DLG2: variants seen among roughly 807,000 people sequenced by gnomAD.
The protein encoded by DLG2 is disks large homolog 2.
A neutral mutation model predicts 132.5 loss-of-function variants in DLG2; 45 were observed. That is an observed-to-expected ratio of 0.34 (90% CI 0.27 to 0.44). The LOEUF (loss-of-function observed/expected upper bound fraction) is 0.44. Among genes scored for constraint, DLG2 ranks in the 20% least tolerant of loss-of-function variants. DLG2 has a pLI of 1.00. For synonymous variants in DLG2, 424 were observed against 419.6 expected (o/e 1.01, Z -0.13); for missense variants, 1,045 against 1,196.9 (o/e 0.87, Z 1.87).
rs968813208 is a variant in DLG2 at position 83,458,416 on chromosome 11, G to A, written c.*1402C>T. On this transcript the variant is annotated 3_prime_UTR_variant, in exon 28 of 28. Coordinates refer to ENST00000376104, the MANE Select transcript of DLG2 (RefSeq NM_001142699.3). ...TTGGTTGAGCTCAAAGTCATTAATT[G>A]TCTTTCCTTGTGACTCTATCTCTTT... The A allele has an allele frequency of 6.6e-6, 1 of 152,502 alleles. No individual in the cohort carries two copies. The highest frequency in any genetic ancestry group is 1.5e-5 in the Non-Finnish European group (1 of 68,036). 9.4% of individuals were successfully genotyped at this position (152,502 alleles called of 1,614,324 possible).
intron 9 of DLG2, among the ~76,000 whole-genome samples, chr11:84,112,969 G>C (rs1282120016): frequency 6.6e-6 from 1 of 152,160 alleles, no homozygotes; most frequent in East Asian, 1.9e-4. Context: ...TTATAAACTA[G>C]TAGTACTCAA....
intron 18 of DLG2, chr11:83,692,926 T>G (rs1215018716): frequency 1.3e-5 from 2 of 152,162 alleles, no homozygotes; most frequent in African/African-American, 2.4e-5. Context: ...TCCCTTCTAC[T>G]AGCTTGATGC....
At chr11:83,833,440 T>C (rs2154002527) in intron 17 of DLG2, among the ~76,000 whole-genome samples, 174 bp downstream of exon 17, 1 of 152,200 alleles carries the variant, frequency 6.6e-6, no homozygotes, top group East Asian at 1.9e-4. Flanking sequence ...AGATTCTGTC[T>C]CAAAGGAAAC....
At chr11:84,050,898 C>T (rs1348384044) in intron 11 of DLG2, among the ~76,000 whole-genome samples, 4 of 151,896 alleles carry the variant, frequency 2.6e-5, no homozygotes, top group Non-Finnish European at 1.5e-5. Context: ...GGTACCAGTA[C>T]CATGCTGTTT....
rs146639393 is a variant in DLG2, at chr11:84,522,665, T to C, written c.519+11905A>G. Among the ~76,000 whole-genome samples the C allele has an allele frequency of 2.7e-3, 405 of 152,352 alleles. 2 individuals are homozygous for C. The highest frequency in any genetic ancestry group is 9.1e-3 in the African/African-American group (378 of 41,576). On this transcript the variant is annotated intron_variant, in intron 7 of 27. Coordinates refer to ENST00000376104, the MANE Select transcript of DLG2 (RefSeq NM_001142699.3). The stretch of plus-strand genomic sequence containing the variant: ...GTTGGAGAAAATCAATTCAACCTTC[T>C]CTACCATGTTTTCTTGTACAACATT...
At chr11:83,681,231 A>T (rs561644779) in intron 18 of DLG2, among the ~76,000 whole-genome samples, 6 of 152,278 alleles carry the variant, frequency 3.9e-5, no homozygotes, top group Admixed American at 3.3e-4. Flanking sequence ...GCAAAACAAC[A>T]CAGCAGAGAG....
At chr11:83,956,249 A>T (rs1279080091) in intron 14 of DLG2, among the ~76,000 whole-genome samples, 2 of 152,082 alleles carry the variant, frequency 1.3e-5, no homozygotes, top group African/African-American at 4.8e-5. Context: ...AGAGCTTGGG[A>T]CCACTGAGTG....
chr11:84,525,030 ATGT>A (rs1168958119), intron 7 of DLG2, among the ~76,000 whole-genome samples: 1 of 152,034 alleles, frequency 6.6e-6, no homozygotes, highest in Non-Finnish European at 1.5e-5. Context: ...TAAGGGCTAA[ATGT>A]TGTGGTAAAT....
rs912482978 is a variant in DLG2, at chr11:84,475,218, T to C, written c.519+59352A>G. 2.6e-5 allele frequency among the ~76,000 whole-genome samples: 4 copies of C among 152,270 alleles called. No individual in the cohort carries two copies. In the East Asian group the frequency reaches 5.8e-4, roughly 22 times the overall value. Reference sequence around the variant, plus strand: ...CTGTCTTTCCTTCTCCAAAACCATGTTGTAGCAGTGTATCTCATTAAAAAA... The same window carrying C: ...CTGTCTTTCCTTCTCCAAAACCATGCTGTAGCAGTGTATCTCATTAAAAAA... On this transcript the variant is annotated intron_variant, in intron 7 of 27. Coordinates refer to ENST00000376104, the MANE Select transcript of DLG2 (RefSeq NM_001142699.3).
chr11:84,724,596 A>C (rs1429266010), intron 6 of DLG2, among the ~76,000 whole-genome samples: 1 of 152,192 alleles, frequency 6.6e-6, no homozygotes, highest in Non-Finnish European at 1.5e-5. Context: ...CCAGTATAGC[A>C]CTGGTCTAAG....
chr11:84,308,573 C>G (rs1248287639), intron 7 of DLG2, among the ~76,000 whole-genome samples: 1 of 152,226 alleles, frequency 6.6e-6, no homozygotes, highest in Non-Finnish European at 1.5e-5. Flanking sequence ...CTTGGGCGGT[C>G]AATGGGACTG....
chr11:85,594,954 T>G (rs973192538), intron 3 of DLG2, among the ~76,000 whole-genome samples: 2 of 149,630 alleles, frequency 1.3e-5, no homozygotes, highest in African/African-American at 4.9e-5. Flanking sequence ...TAATCCCAGC[T>G]ACTCGGGAGG....
chr11:83,790,813 G>C, intron 17 of DLG2: 1 of 754,626 alleles, frequency 1.3e-6, no homozygotes, highest in South Asian at 1.5e-5. Flanking sequence ...CCTCCCACTT[G>C]AGAAGGAACC....
intron 18 of DLG2, among the ~76,000 whole-genome samples, chr11:83,774,619 ACTACTG>A (rs1300370567): frequency 6.6e-6 from 1 of 152,050 alleles, no homozygotes; most frequent in African/African-American, 2.4e-5. Context: ...GAAATTCTTA[ACTACTG>A]CTGCTTCCCA....
At chr11:84,837,868 A>G (rs1351208030) in intron 6 of DLG2, among the ~76,000 whole-genome samples, 1 of 151,794 alleles carries the variant, frequency 6.6e-6, no homozygotes, top group East Asian at 2.0e-4. Context: ...TTGCCAGACC[A>G]GCATCAAGAG....
intron 18 of DLG2, among the ~76,000 whole-genome samples, chr11:83,657,966 T>C (rs959395746): frequency 1.3e-5 from 2 of 152,194 alleles, no homozygotes; most frequent in Non-Finnish European, 2.9e-5. Flanking sequence ...AAGACATGGC[T>C]GCAGAGGAAG....
At chr11:84,973,557 T>C (rs1400457152) in intron 6 of DLG2, among the ~76,000 whole-genome samples, 2 of 152,202 alleles carry the variant, frequency 1.3e-5, no homozygotes, top group Admixed American at 1.3e-4. Context: ...AAAATTAAAG[T>C]GCATTATTAA....
intron 3 of DLG2, among the ~76,000 whole-genome samples, chr11:85,397,575 T>A (rs2152957165): frequency 6.6e-6 from 1 of 151,910 alleles, no homozygotes; most frequent in Non-Finnish European, 1.5e-5. Context: ...AATAAAGGGA[T>A]GGAGGAAGAT....
At chr11:85,582,147 C>T (rs573474668) in intron 3 of DLG2, among the ~76,000 whole-genome samples, 8 of 152,256 alleles carry the variant, frequency 5.3e-5, no homozygotes, top group African/African-American at 1.9e-4. Context: ...ATTGAGTAAT[C>T]ACAGTAATGA....
Sources: gnomAD v4.1 joint callset for allele counts (sites outside exome capture counted in the v4.1 genomes callset) on GRCh38, gnomAD v4.1.1 for gene constraint, MANE v1.5 for transcripts, NCBI Gene and HGNC (gene_info 2026-07-23, HGNC 2026-07-21) for gene names.